Variants in NCKAP5 observed in about 807,000 individuals in gnomAD.
NCKAP5 encodes NCK associated protein 5.
In NCKAP5, 92 loss-of-function variants were observed where a neutral mutation model predicts 167.0. The ratio of observed to expected loss-of-function variants is 0.55; its 90% confidence interval spans 0.47 to 0.66. NCKAP5 has a LOEUF of 0.66. Ranked by LOEUF, NCKAP5 falls within the 30% of genes least tolerant of loss-of-function variation. The probability of loss-of-function intolerance (pLI) is 0.00; values close to 1 mark genes in which losing one functional copy is unlikely to be tolerated. For missense variants in NCKAP5, 2,378 were observed against 2,315.0 expected, an observed-to-expected ratio of 1.03 and a Z score of -0.56; for synonymous variants, 891 against 877.4, an observed-to-expected ratio of 1.02 and a Z score of -0.27.
chr2:133,552,406 T>A (rs1575147704), intron 2 of NCKAP5, among the ~76,000 whole-genome samples: 1 of 141,246 alleles, frequency 7.1e-6, no homozygotes, highest in Admixed American at 7.2e-5. Context: ...CATGGAATAC[T>A]ATGCAGCCAT....
At chr2:133,546,682 AAAAAC>A (rs1170030495) in intron 2 of NCKAP5, among the ~76,000 whole-genome samples, 1 of 152,126 alleles carries the variant, frequency 6.6e-6, no homozygotes, top group Non-Finnish European at 1.5e-5. Context: ...AACAAAACAA[AAAAAC>A]AAAACAACAA....
chr2:132,925,282 C>T (rs930894963), intron 8 of NCKAP5, among the ~76,000 whole-genome samples: 13 of 151,862 alleles, frequency 8.6e-5, no homozygotes, highest in Non-Finnish European at 1.8e-4. Flanking sequence ...TGGCCAGGCA[C>T]GGTGGCTCAC....
chr2:133,123,822 T>C (rs752829446), intron 6 of NCKAP5: 48 of 471,020 alleles, frequency 1.0e-4, no homozygotes, highest in Non-Finnish European at 1.5e-4. Context: ...GAAAATGTTC[T>C]TTTAATGTAC....
At chr2:133,302,746 C>T (rs1266255448) in intron 4 of NCKAP5, among the ~76,000 whole-genome samples, 1 of 146,372 alleles carries the variant, frequency 6.8e-6, no homozygotes, top group Non-Finnish European at 1.5e-5. Flanking sequence ...CTAACCTGCA[C>T]AATGTGCACA....
chr2:133,504,498 CT>C (rs1439749795), intron 3 of NCKAP5, among the ~76,000 whole-genome samples: 1 of 151,822 alleles, frequency 6.6e-6, no homozygotes, highest in Non-Finnish European at 1.5e-5. Flanking sequence ...TAGAAGCAGG[CT>C]GAAAATACTA....
intron 2 of NCKAP5, among the ~76,000 whole-genome samples, chr2:133,540,979 A>G (rs557913017): frequency 1.3e-5 from 2 of 150,650 alleles, no homozygotes; most frequent in East Asian, 3.9e-4. Context: ...AGTGGGTTTC[A>G]ATGGGTAAGG....
At chr2:133,388,162 T>C (rs371794476) in intron 3 of NCKAP5, among the ~76,000 whole-genome samples, 3 of 141,730 alleles carry the variant, frequency 2.1e-5, no homozygotes, top group East Asian at 1.9e-4. Flanking sequence ...TTTTTCCCCA[T>C]TTTTGTGGTT....
At chr2:133,201,561 T>C (rs893997571) in intron 5 of NCKAP5, among the ~76,000 whole-genome samples, 1 of 152,166 alleles carries the variant, frequency 6.6e-6, no homozygotes, top group Non-Finnish European at 1.5e-5. Context: ...GTGGTGGGTA[T>C]GTGGCTGACA....
chr2:133,158,841 T>A (rs563390593), intron 5 of NCKAP5, among the ~76,000 whole-genome samples: 1 of 152,058 alleles, frequency 6.6e-6, no homozygotes, highest in South Asian at 2.1e-4. Context: ...ACAGAGAACC[T>A]ACTGCTCTTC....
At chr2:133,452,751 A>C (rs1351692919) in intron 3 of NCKAP5, among the ~76,000 whole-genome samples, 1 of 152,180 alleles carries the variant, frequency 6.6e-6, no homozygotes, top group African/African-American at 2.4e-5. Context: ...CAGAAAAGGC[A>C]ATCAAAGCAG....
intron 11 of NCKAP5, among the ~76,000 whole-genome samples, chr2:132,838,915 A>C (rs889032126): frequency 6.6e-6 from 1 of 152,234 alleles, no homozygotes; most frequent in Non-Finnish European, 1.5e-5. Context: ...AATATAATTA[A>C]GGAGATATTT....
chr2:133,059,299 C>A (rs1166472995), intron 6 of NCKAP5, among the ~76,000 whole-genome samples: 1 of 151,442 alleles, frequency 6.6e-6, no homozygotes, highest in Non-Finnish European at 1.5e-5. Context: ...GACTCCATCT[C>A]AAAAAAAATA....
At chr2:132,991,272 G>A (rs995565596) in intron 7 of NCKAP5, among the ~76,000 whole-genome samples, 7 of 152,058 alleles carry the variant, frequency 4.6e-5, no homozygotes, top group African/African-American at 1.7e-4. Context: ...CATTTGATGG[G>A]GCTCTGAACT....
chr2:132,973,442 T>C (rs57477849), intron 7 of NCKAP5, among the ~76,000 whole-genome samples: 1 of 152,204 alleles, frequency 6.6e-6, no homozygotes, highest in African/African-American at 2.4e-5. Context: ...GTAATTTTAG[T>C]TATCACATAA....
intron 8 of NCKAP5, among the ~76,000 whole-genome samples, chr2:132,894,079 G>C (rs911560407): frequency 6.6e-6 from 1 of 152,210 alleles, no homozygotes; most frequent in Non-Finnish European, 1.5e-5. Flanking sequence ...CTGAGGCAAA[G>C]GGACGGGACC....
chr2:133,673,426 C>T, the NCKAP5 span, among the ~76,000 whole-genome samples: 1 of 152,196 alleles, frequency 6.6e-6, no homozygotes, highest in Non-Finnish European at 1.5e-5. Context: ...GTCTCTGTTG[C>T]ATGGCACCCA....
At position 133,327,161 on chromosome 2, in the gene NCKAP5, G is replaced by A. The variant is rs74453850; in HGVS notation, c.70-24051C>T. Among the ~76,000 whole-genome samples the A allele has an allele frequency of 2.7e-3, 409 of 152,310 alleles. 4 individuals are homozygous for A. The highest frequency in any genetic ancestry group is 9.4e-3 in the African/African-American group (392 of 41,578). On this transcript the variant is annotated intron_variant, in intron 3 of 19. Coordinates refer to ENST00000409261, the MANE Select transcript of NCKAP5 (RefSeq NM_207363.3). The stretch of plus-strand genomic sequence containing the variant: ...TGGTTCTTCTGGATGGGCAAACAGA[G>A]GAAACACTGGGAATCTAATTTAGAG...
intron 5 of NCKAP5, among the ~76,000 whole-genome samples, chr2:133,192,495 A>G (rs2085269985): frequency 2.0e-5 from 3 of 152,104 alleles, no homozygotes; most frequent in South Asian, 4.1e-4. Context: ...ACATTTACAT[A>G]CCACATATAC....
chr2:132,937,650 C>T (rs1696956799), intron 8 of NCKAP5, among the ~76,000 whole-genome samples: 1 of 152,190 alleles, frequency 6.6e-6, no homozygotes, highest in African/African-American at 2.4e-5. Context: ...GGCAAGACAA[C>T]TGAAGTTTGG....
Sources: allele counts gnomAD v4.1 joint callset (sites outside exome capture counted in the v4.1 genomes callset), GRCh38; gene constraint gnomAD v4.1.1; transcripts MANE v1.5; gene names NCBI Gene and HGNC (gene_info 2026-07-23, HGNC 2026-07-21).